Variants in FNBP1 observed in about 807,000 individuals in gnomAD.
FNBP1 encodes the protein formin binding protein 1.
FNBP1 carries 26 observed loss-of-function variants against 90.6 expected under a neutral mutation model. The ratio of observed to expected loss-of-function variants is 0.29; its 90% confidence interval spans 0.21 to 0.40. The LOEUF (loss-of-function observed/expected upper bound fraction) is 0.40. FNBP1 is among the 10% of genes least tolerant of loss of function. The pLI is 1.00. For missense variants in FNBP1, 635 were observed against 768.0 expected, an observed-to-expected ratio of 0.83 and a Z score of 2.05; for synonymous variants, 260 against 265.2, an observed-to-expected ratio of 0.98 and a Z score of 0.19.
intron 7 of FNBP1, 21 bp from the exon 8 acceptor site, chr9:129,927,362 T>C: frequency 6.2e-7 from 1 of 1,603,504 alleles, no homozygotes; most frequent in East Asian, 2.2e-5. Flanking sequence ...AGATTTTGTA[T>C]AAAGTAAGTT....
rs574888619 is a variant in FNBP1, at chr9:130,025,476, T to A, written c.24+17476A>T. ...AATCAGTACTCCTAGGATCACTATTTCAGTGTCAGTTGATCCTGGAACTCA... is the reference window on the plus strand; with the variant it reads ...AATCAGTACTCCTAGGATCACTATTACAGTGTCAGTTGATCCTGGAACTCA... On this transcript the variant is annotated intron_variant, in intron 1 of 16. Transcript: ENST00000446176. Among the ~76,000 whole-genome samples, 4 of 152,356 alleles carry A rather than the reference T, an allele frequency of 2.6e-5. No homozygotes were observed. The South Asian group carries it at 8.3e-4, about 32-fold the overall frequency.
chr9:129,965,706 G>GCA (rs1199029888), intron 4 of FNBP1, among the ~76,000 whole-genome samples: 106 of 110,956 alleles, frequency 9.6e-4, no homozygotes, highest in East Asian at 5.3e-3. Flanking sequence ...ACGCGCGCGC[G>GCA]CGCACACACA....
In FNBP1 at chr9:129,994,911, A is replaced by C. The variant is rs752669042; in HGVS notation, c.72T>G (p.Ile24Met). The C allele has an allele frequency of 6.2e-7, 1 of 1,608,652 alleles. No individual in the cohort carries two copies. The highest frequency in any genetic ancestry group is 8.5e-7 in the Non-Finnish European group (1 of 1,176,180). Residue 24 changes from isoleucine (I) to methionine (M), a missense_variant, in exon 2 of 17, where the codon ATT becomes ATG. Ile to Met is a conservative substitution (Grantham distance 10). Coordinates refer to ENST00000446176, the MANE Select transcript of FNBP1 (RefSeq NM_015033.3). ...LEKHTQWGID[I>M]LEKYIKFVKE... ...TCACAAACTTGATATATTTCTCAAG[A>C]ATATCAATTCCCCACTGTGTGTGTT...
intron 4 of FNBP1, among the ~76,000 whole-genome samples, chr9:129,974,446 G>C (rs1439932810): frequency 6.6e-6 from 1 of 152,222 alleles, no homozygotes. Flanking sequence ...CTACAGGCGT[G>C]AGCCACCACG....
intron 1 of FNBP1, among the ~76,000 whole-genome samples, chr9:130,001,932 G>C (rs936039473): frequency 2.0e-5 from 3 of 151,556 alleles, no homozygotes; most frequent in African/African-American, 7.3e-5. Flanking sequence ...GGAGGCTGAG[G>C]CAGGAGAATC....
chr9:129,910,407 G>A (rs1476179576), intron 11 of FNBP1, among the ~76,000 whole-genome samples: 5 of 147,606 alleles, frequency 3.4e-5, no homozygotes, highest in Non-Finnish European at 4.4e-5. Context: ...GCTTGAACCC[G>A]GGAAGCGGAG....
At chr9:129,910,283 C>T in intron 11 of FNBP1, 1 of 431,590 alleles carries the variant, frequency 2.3e-6, no homozygotes, top group Admixed American at 2.7e-5. Context: ...GAGTTTGAGA[C>T]CAGCCTGGCC....
Position 129,923,896 on chromosome 9 carries a change from T to C in FNBP1, c.1118A>G (p.Glu373Gly), listed in dbSNP as rs368984808. Reference protein sequence around the residue: ...QKEPLSHRFNEFMTSKPKIHC... With the variant: ...QKEPLSHRFNGFMTSKPKIHC... ...GATTTTGGGTTTGGAGGTCATGAAC[T>C]CGTTGAAGCGATGGGAGAGGGGTTC... Residue 373 changes from glutamate (E) to glycine (G), a missense_variant, in exon 10 of 17, where the codon GAG (glutamate) becomes GGG (glycine). Physicochemically the swap from Glu to Gly is moderately conservative, Grantham distance 98. Transcript: ENST00000446176. 7.5e-6 allele frequency: 12 copies of C among 1,602,700 alleles called. No individual in the cohort carries two copies. The Middle Eastern group carries it at 1.2e-3, about 154-fold the overall frequency.
chr9:129,961,805 C>T (rs932462415), intron 4 of FNBP1, among the ~76,000 whole-genome samples: 2 of 152,134 alleles, frequency 1.3e-5, no homozygotes, highest in East Asian at 1.9e-4. Context: ...AGGCTGGTCT[C>T]GAACTCCCGG....
intron 12 of FNBP1, among the ~76,000 whole-genome samples, chr9:129,905,513 T>A (rs2037855301): frequency 6.6e-6 from 1 of 152,048 alleles, no homozygotes; most frequent in Non-Finnish European, 1.5e-5. Flanking sequence ...TTTTGCCATG[T>A]TGGCCAAGCT....
chr9:129,898,239 T>C (rs1352076981), intron 15 of FNBP1, among the ~76,000 whole-genome samples: 1 of 152,148 alleles, frequency 6.6e-6, no homozygotes, highest in African/African-American at 2.4e-5. Flanking sequence ...CTAGGGGACC[T>C]CCCATAGCTC....
chr9:129,900,045 G>C lies in FNBP1; in HGVS notation c.1607C>G (p.Ala536Gly). The C allele has an allele frequency of 6.2e-7, 1 of 1,613,556 alleles. No homozygotes were observed. The highest frequency in any genetic ancestry group is 8.5e-7 in the Non-Finnish European group (1 of 1,179,698). Residue 536 changes from alanine to glycine, a missense_variant, in exon 15 of 17, where the codon GCC (alanine) becomes GGC (glycine). By Grantham distance (60) the Ala-to-Gly change is moderately conservative (BLOSUM62 0). Coordinates refer to ENST00000446176, the MANE Select transcript of FNBP1 (RefSeq NM_015033.3). This position sits in a 1 kb window ranked among gnomAD's most constrained non-coding sequence, Gnocchi z 4.1. Reference sequence around the variant, plus strand: ...ATCAAACTCGTCGTCAAAATCCGTGGCCAGCACCTTCATCTCACTCTCCTG... The same window carrying C: ...ATCAAACTCGTCGTCAAAATCCGTGCCCAGCACCTTCATCTCACTCTCCTG... ...QSQESEMKVL[A>G]TDFDDEFDDE...
At chr9:130,027,329 A>G (rs1013572550) in intron 1 of FNBP1, among the ~76,000 whole-genome samples, 1 of 152,114 alleles carries the variant, frequency 6.6e-6, no homozygotes, top group African/African-American at 2.4e-5. Flanking sequence ...TTGGTTTGCT[A>G]TTTTCTCATT....
chr9:129,988,676 C>T (rs902311453), intron 2 of FNBP1, among the ~76,000 whole-genome samples: 6 of 151,614 alleles, frequency 4.0e-5, no homozygotes, highest in African/African-American at 1.2e-4. Context: ...GACTCCATCT[C>T]GAAGAGAAAA....
intron 4 of FNBP1, among the ~76,000 whole-genome samples, chr9:129,972,911 G>T (rs147405078): frequency 3.3e-5 from 5 of 152,332 alleles, no homozygotes; most frequent in African/African-American, 1.2e-4. Flanking sequence ...AACTGGATAT[G>T]CAGCATCTAT....
At chr9:129,982,340 G>A (rs541858339) in intron 2 of FNBP1, among the ~76,000 whole-genome samples, 2 of 152,242 alleles carry the variant, frequency 1.3e-5, no homozygotes, top group East Asian at 1.9e-4. Context: ...GCATGGTGGC[G>A]CATGCCTGTA....
intron 6 of FNBP1, among the ~76,000 whole-genome samples, chr9:129,948,931 C>T (rs970040556): frequency 6.6e-6 from 1 of 152,022 alleles, no homozygotes; most frequent in Non-Finnish European, 1.5e-5. Flanking sequence ...AATACTTTAT[C>T]TCGGTGTTTT....
chr9:130,027,764 C>T (rs975054976), intron 1 of FNBP1, among the ~76,000 whole-genome samples: 2 of 152,080 alleles, frequency 1.3e-5, no homozygotes, highest in Non-Finnish European at 2.9e-5. Flanking sequence ...GTTGAGACCT[C>T]GACTGAGCTG....
At chr9:130,048,153 C>T (rs560405936), upstream of FNBP1, among the ~76,000 whole-genome samples, 1 of 115,758 alleles carries the variant, frequency 8.6e-6, no homozygotes, top group East Asian at 3.7e-4. Context: ...AAACCCATGT[C>T]TACTAAAAAT....
Sources: gnomAD v4.1 joint callset for allele counts (sites outside exome capture counted in the v4.1 genomes callset) on GRCh38, gnomAD v4.1.1 for gene constraint, Gnocchi (gnomAD v3.1) non-coding constraint, MANE v1.5 for transcripts, NCBI Gene and HGNC (gene_info 2026-07-23, HGNC 2026-07-21) for gene names.